BRINP2: variants seen among roughly 807,000 people sequenced by gnomAD.
BRINP2 encodes BMP/retinoic acid inducible neural specific 2.
A neutral mutation model predicts 69.2 loss-of-function variants in BRINP2; 21 were observed. That is an observed-to-expected ratio of 0.30 (90% confidence interval 0.22 to 0.44). The LOEUF (loss-of-function observed/expected upper bound fraction) is 0.44, where lower values mean the gene tolerates loss of function less well. BRINP2 is among the 20% of genes least tolerant of loss of function. The pLI is 1.00. For synonymous variants in BRINP2, 380 were observed against 394.1 expected (o/e 0.96, Z 0.42); for missense variants, 877 against 986.0 (o/e 0.89, Z 1.48).
intron 2 of BRINP2, among the ~76,000 whole-genome samples, chr1:177,241,076 A>G (rs1227581338): frequency 4.6e-5 from 7 of 151,504 alleles, no homozygotes; most frequent in Non-Finnish European, 8.8e-5. Context: ...GGTTCATGCC[A>G]TTCTCCTGCC....
chr1:177,204,698 A>C (rs1649020877), intron 1 of BRINP2, among the ~76,000 whole-genome samples: 1 of 152,226 alleles, frequency 6.6e-6, no homozygotes, highest in East Asian at 1.9e-4. Flanking sequence ...CTCATTACAA[A>C]GGTAATGAAT....
At chr1:177,265,992 C>T (rs900459897) in intron 4 of BRINP2, among the ~76,000 whole-genome samples, 19 of 151,678 alleles carry the variant, frequency 1.3e-4, no homozygotes, top group South Asian at 4.2e-4. Context: ...TGGTGGCAGG[C>T]GCCTGTAGTC....
chr1:177,178,034 T>C lies in BRINP2; in HGVS notation c.-77+6302T>C, dbSNP rs114878045. On this transcript the variant is annotated intron_variant, in intron 1 of 7. Transcript: ENST00000361539. Reference sequence around the variant, plus strand: ...AAGAAATGTAAATTGTCCTGGGCTCTGCTTTCTCTCACACTGCCCCTACAT... The same window carrying C: ...AAGAAATGTAAATTGTCCTGGGCTCCGCTTTCTCTCACACTGCCCCTACAT... Among the ~76,000 whole-genome samples, 498 of 152,318 alleles carry C rather than the reference T, an allele frequency of 3.3e-3. 3 individuals are homozygous for C. The highest frequency in any genetic ancestry group is 0.011 in the African/African-American group (475 of 41,568).
At chr1:177,256,375 G>A in intron 3 of BRINP2, 15 of 985,420 alleles carry the variant, frequency 1.5e-5, no homozygotes, top group Non-Finnish European at 1.8e-5. Context: ...CCAGCAGGGG[G>A]CACTCCCAGT....
At chr1:177,191,680 T>G (rs1319181033) in intron 1 of BRINP2, among the ~76,000 whole-genome samples, 3 of 152,180 alleles carry the variant, frequency 2.0e-5, no homozygotes, top group African/African-American at 7.2e-5. Flanking sequence ...GGTCTCAAAC[T>G]CCTGACCTTG....
At chr1:177,199,654 G>A (rs1374979534) in intron 1 of BRINP2, among the ~76,000 whole-genome samples, 1 of 152,104 alleles carries the variant, frequency 6.6e-6, no homozygotes, top group Non-Finnish European at 1.5e-5. Flanking sequence ...GAACTTCTCA[G>A]CATTCTAATT....
chr1:177,233,101 ATTC>A (rs1649912756), intron 2 of BRINP2, among the ~76,000 whole-genome samples: 2 of 152,184 alleles, frequency 1.3e-5, no homozygotes, highest in East Asian at 3.9e-4. Flanking sequence ...AATTATACCT[ATTC>A]TTATTAGGAT....
At chr1:177,246,460 G>A (rs1650385675) in intron 2 of BRINP2, among the ~76,000 whole-genome samples, 1 of 152,190 alleles carries the variant, frequency 6.6e-6, no homozygotes, top group Non-Finnish European at 1.5e-5. Flanking sequence ...TTTCCCCCAA[G>A]GTCCCTGTAT....
chr1:177,224,518 C>T (rs1001286697), intron 1 of BRINP2, among the ~76,000 whole-genome samples: 1 of 151,936 alleles, frequency 6.6e-6, no homozygotes, highest in African/African-American at 2.4e-5. Context: ...ATCATTTAAC[C>T]GATGATACAG....
chr1:177,223,807 C>G (rs55699262), intron 1 of BRINP2, among the ~76,000 whole-genome samples: 11,257 of 152,122 alleles, frequency 0.074, 449 homozygotes, highest in Non-Finnish European at 0.087. Context: ...AATGCATCAC[C>G]TATTGCTTGC....
At chr1:177,267,497 T>G (rs1336579184) in intron 4 of BRINP2, among the ~76,000 whole-genome samples, 1 of 152,242 alleles carries the variant, frequency 6.6e-6, no homozygotes, top group Non-Finnish European at 1.5e-5. Flanking sequence ...AATGCCACCA[T>G]GGCAGAGATC....
chr1:177,226,640 G>A (rs1649701236), intron 1 of BRINP2, among the ~76,000 whole-genome samples: 1 of 152,186 alleles, frequency 6.6e-6, no homozygotes, highest in Non-Finnish European at 1.5e-5. Flanking sequence ...CATGGGTACA[G>A]GTTAACTGGG....
chr1:177,199,765 T>C (rs976707583), intron 1 of BRINP2, among the ~76,000 whole-genome samples: 1 of 152,274 alleles, frequency 6.6e-6, no homozygotes, highest in East Asian at 1.9e-4. Flanking sequence ...GAAGACTTTT[T>C]AAAAAATGCA....
At chr1:177,196,515 G>A (rs1648751641) in intron 1 of BRINP2, among the ~76,000 whole-genome samples, 1 of 152,114 alleles carries the variant, frequency 6.6e-6, no homozygotes, top group African/African-American at 2.4e-5. Context: ...CTACTTGGGA[G>A]GCTGAGGCAG....
intron 1 of BRINP2, among the ~76,000 whole-genome samples, chr1:177,198,655 A>G (rs1246208488): frequency 6.6e-6 from 1 of 152,226 alleles, no homozygotes; most frequent in East Asian, 1.9e-4. Flanking sequence ...GTCAGAAAAG[A>G]GTCCATTATC....
chr1:177,203,250 G>T (rs1192825819), intron 1 of BRINP2, among the ~76,000 whole-genome samples: 2 of 151,942 alleles, frequency 1.3e-5, no homozygotes, highest in African/African-American at 2.4e-5. Context: ...ACACAGCATG[G>T]TCTCACTCAT....
intron 2 of BRINP2, among the ~76,000 whole-genome samples, chr1:177,238,531 G>T (rs745924707): frequency 1.3e-5 from 2 of 152,210 alleles, no homozygotes; most frequent in Non-Finnish European, 2.9e-5. Context: ...ACTGTGAGGA[G>T]GGGGAGATGA....
Position 177,231,967 on chromosome 1 carries a change from G to T in BRINP2, c.269+1822G>T, listed in dbSNP as rs1649872041. 2.6e-5 allele frequency among the ~76,000 whole-genome samples: 4 copies of T among 152,078 alleles called. No individual in the cohort carries two copies. The South Asian group carries it at 8.3e-4, about 31-fold the overall frequency. ...TCAGGGTGACCTTCCCTTTATTAAA[G>T]AATTTTTTTCAATCTTTCAAAAAAA... is the stretch of plus-strand genomic sequence containing the variant. On this transcript the variant is annotated intron_variant, in intron 2 of 7. Coordinates refer to ENST00000361539, the MANE Select transcript of BRINP2 (RefSeq NM_021165.4).
intron 1 of BRINP2, among the ~76,000 whole-genome samples, chr1:177,215,258 A>G (rs1052354752): frequency 1.3e-5 from 2 of 152,172 alleles, no homozygotes; most frequent in Non-Finnish European, 2.9e-5. Flanking sequence ...AGGCTCAATC[A>G]TATTCCATTG....
Sources: gnomAD v4.1 joint callset for allele counts (sites outside exome capture counted in the v4.1 genomes callset) on GRCh38, gnomAD v4.1.1 for gene constraint, MANE v1.5 for transcripts, NCBI Gene and HGNC (gene_info 2026-07-23, HGNC 2026-07-21) for gene names.